GRAP2: variants seen among roughly 807,000 people sequenced by gnomAD.
The protein encoded by GRAP2 is GRB2-related adapter protein 2.
A neutral mutation model predicts 43.5 loss-of-function variants in GRAP2; 31 were observed. That is an observed-to-expected ratio of 0.71 (90% confidence interval 0.54 to 0.96). The LOEUF is 0.96. GRAP2 is among the 40% of genes least tolerant of loss of function. The pLI is 0.00. For missense variants in GRAP2, 371 were observed against 424.4 expected, an observed-to-expected ratio of 0.87 and a Z score of 1.11; for synonymous variants, 156 against 164.8, an observed-to-expected ratio of 0.95 and a Z score of 0.41.
rs1202758094 is a variant in GRAP2 at position 39,970,965 on chromosome 22, T to C, written c.874T>C (p.Phe292Leu). ...GGCCCTGGAGGATGACGAGCTGGGG[T>C]TCCACAGCGGGGAGGTGGTGGAGGT... is the stretch of plus-strand genomic sequence containing the variant. ...FEALEDDELG[F>L]HSGEVVEVLD... Residue 292 changes from phenylalanine (F) to leucine (L), a missense_variant, in exon 8 of 8, where the codon TTC becomes CTC. Coordinates refer to ENST00000344138, the MANE Select transcript of GRAP2 (RefSeq NM_004810.4). 3.1e-6 allele frequency: 5 copies of C among 1,613,324 alleles called. No homozygotes were observed. In the Admixed American group the frequency reaches 8.4e-5, roughly 27 times the overall value.
At chr22:39,923,525 T>TC (rs1463133253) in intron 1 of GRAP2, among the ~76,000 whole-genome samples, 1 of 152,176 alleles carries the variant, frequency 6.6e-6, no homozygotes, top group Non-Finnish European at 1.5e-5. Flanking sequence ...CTCCCCTGCC[T>TC]CCCCACTAGA....
rs550127432 is a variant in GRAP2, at chr22:39,967,215, G to T, written c.460-827G>T. Among the ~76,000 whole-genome samples, 8 of 152,238 alleles carry T rather than the reference G, an allele frequency of 5.3e-5. No individual in the cohort carries two copies. The East Asian group carries it at 1.5e-3, about 29-fold the overall frequency. ...CCCTAGTTGCTTTTAAGCCTGAGAA[G>T]TTACTGCCAAAGGAGAAAAGAAGTT... On this transcript the variant is annotated intron_variant, in intron 5 of 7. Coordinates refer to ENST00000344138, the MANE Select transcript of GRAP2 (RefSeq NM_004810.4).
intron 2 of GRAP2, among the ~76,000 whole-genome samples, chr22:39,951,773 C>CTCAAATACT (rs1489434592): frequency 3.3e-5 from 5 of 152,076 alleles, no homozygotes; most frequent in Non-Finnish European, 5.9e-5. Context: ...CTCCCCTCCC[C>CTCAAATACT]TCAAATACTT....
Position 39,971,831 on chromosome 22 carries a change from G to A in GRAP2, c.*747G>A, listed in dbSNP as rs1036678058. The A allele has an allele frequency of 2.0e-5, 3 of 152,198 alleles. No individual in the cohort carries two copies. The highest frequency in any genetic ancestry group is 7.2e-5 in the African/African-American group (3 of 41,446). 9.4% of individuals were successfully genotyped at this position (152,198 alleles called of 1,614,324 possible). The stretch of plus-strand genomic sequence containing the variant: ...CAATCCCCAAGCAGCTTACTCAGTG[G>A]AACCTCTGTTTCCCCAGCTATGAAG... On this transcript the variant is annotated 3_prime_UTR_variant, in exon 8 of 8. Coordinates refer to ENST00000344138, the MANE Select transcript of GRAP2 (RefSeq NM_004810.4).
intron 1 of GRAP2, among the ~76,000 whole-genome samples, chr22:39,937,745 C>T (rs189297368): frequency 7.9e-5 from 12 of 152,204 alleles, no homozygotes; most frequent in Admixed American, 5.2e-4. Context: ...TATGGTTCTC[C>T]GGCTACAAAG....
intron 1 of GRAP2, among the ~76,000 whole-genome samples, chr22:39,938,835 G>A (rs887712837): frequency 4.6e-5 from 7 of 152,164 alleles, no homozygotes; most frequent in South Asian, 2.1e-4. Context: ...AGTGGGGAGC[G>A]CCCTGGGGCT....
intron 1 of GRAP2, among the ~76,000 whole-genome samples, chr22:39,930,503 CAT>C (rs1395289614): frequency 3.9e-5 from 6 of 152,166 alleles, no homozygotes; most frequent in Non-Finnish European, 8.8e-5. Flanking sequence ...GAGATAAAAA[CAT>C]GTGGAAAGAC....
chr22:39,903,719 C>T (rs955111191), intron 1 of GRAP2, among the ~76,000 whole-genome samples: 2 of 152,088 alleles, frequency 1.3e-5, no homozygotes, highest in Non-Finnish European at 2.9e-5. Context: ...TCAAGCGATT[C>T]GCCTGCCTCA....
At chr22:39,899,007 A>C (rs982396190), upstream of GRAP2, among the ~76,000 whole-genome samples, 1 of 152,206 alleles carries the variant, frequency 6.6e-6, no homozygotes, top group East Asian at 1.9e-4. Context: ...TGAGTATCTC[A>C]TGATAGTGAG....
chr22:39,956,018 C>T, intron 3 of GRAP2, 108 bp downstream of exon 3: 1 of 686,630 alleles, frequency 1.5e-6, no homozygotes. Flanking sequence ...TCAAAAATGG[C>T]TGCCTCTGGA....
chr22:39,927,083 CTCT>C lies in GRAP2; in HGVS notation c.-14-20003_-14-20001del, dbSNP rs1408136973. Among the ~76,000 whole-genome samples, 6 of 152,296 alleles carry C rather than the reference CTCT, an allele frequency of 3.9e-5. No homozygotes were observed. In the East Asian group the frequency reaches 7.7e-4, roughly 20 times the overall value. On this transcript the variant is annotated intron_variant, in intron 1 of 7. Coordinates refer to ENST00000344138, the MANE Select transcript of GRAP2 (RefSeq NM_004810.4). ...CTTGTCTCTTCTCATTTTTCCTCCC[CTCT>C]TCTTCTCTTTTTTTCATGCTCACTT... is the stretch of plus-strand genomic sequence containing the variant.
intron 1 of GRAP2, among the ~76,000 whole-genome samples, chr22:39,938,324 G>T (rs1294569331): frequency 6.6e-6 from 1 of 152,212 alleles, no homozygotes; most frequent in African/African-American, 2.4e-5. Flanking sequence ...ATTAAATAAG[G>T]ATATAAGGGA....
intron 2 of GRAP2, among the ~76,000 whole-genome samples, chr22:39,951,927 G>A (rs924172526): frequency 1.3e-5 from 2 of 152,028 alleles, no homozygotes; most frequent in African/African-American, 2.4e-5. Flanking sequence ...GGCATTGTGG[G>A]ATAATCTTTC....
At chr22:39,894,204 G>A in the GRAP2 span, among the ~76,000 whole-genome samples, 3 of 151,864 alleles carry the variant, frequency 2.0e-5, no homozygotes, top group African/African-American at 4.8e-5. Context: ...TGGAAAATCA[G>A]TAAAATACTC....
intron 5 of GRAP2, 56 bp downstream of exon 5, chr22:39,966,214 C>T: frequency 7.2e-7 from 1 of 1,391,064 alleles, no homozygotes; most frequent in East Asian, 2.3e-5. Context: ...CCTGAGTTCT[C>T]ACATGAACCA....
At chr22:39,905,138 C>T (rs796495807) in intron 1 of GRAP2, among the ~76,000 whole-genome samples, 3 of 152,126 alleles carry the variant, frequency 2.0e-5, no homozygotes, top group African/African-American at 7.2e-5. Context: ...TTAGCGAGTA[C>T]TCTCAGGGGG....
chr22:39,961,149 T>G (rs1021329252), intron 4 of GRAP2, among the ~76,000 whole-genome samples: 1 of 152,090 alleles, frequency 6.6e-6, no homozygotes, highest in Non-Finnish European at 1.5e-5. Context: ...AGACTAGGTC[T>G]TACTGTGTTG....
chr22:39,949,759 G>A (rs186847459), intron 2 of GRAP2, among the ~76,000 whole-genome samples: 127 of 152,268 alleles, frequency 8.3e-4, no homozygotes, highest in Non-Finnish European at 1.3e-3. Context: ...CTGTCCCAAC[G>A]TAGACGCCCA....
intron 1 of GRAP2, among the ~76,000 whole-genome samples, chr22:39,911,871 T>C (rs1399346503): frequency 1.3e-5 from 2 of 152,196 alleles, no homozygotes; most frequent in African/African-American, 4.8e-5. Flanking sequence ...GCCTCAAACC[T>C]ATTGAATCAG....
Sources: allele counts gnomAD v4.1 joint callset (sites outside exome capture counted in the v4.1 genomes callset), GRCh38; gene constraint gnomAD v4.1.1; transcripts MANE v1.5; gene names NCBI Gene and HGNC (gene_info 2026-07-23, HGNC 2026-07-21).